Variants in FREM3 observed in about 807,000 individuals in gnomAD.
The protein encoded by FREM3 is FRAS1-related extracellular matrix protein 3.
In FREM3, 105 loss-of-function variants were observed where a neutral mutation model predicts 129.1. That is an observed-to-expected ratio of 0.81 (90% CI 0.69 to 0.96). The LOEUF is 0.96. Ranked by LOEUF, FREM3 falls within the 40% of genes least tolerant of loss-of-function variation. FREM3 has a pLI of 0.00. For synonymous variants in FREM3, 1,014 were observed against 1,044.9 expected, an observed-to-expected ratio of 0.97 and a Z score of 0.57; for missense variants, 2,593 against 2,666.3, an observed-to-expected ratio of 0.97 and a Z score of 0.61.
At chr4:143,635,692 G>T (rs1420063193) in intron 2 of FREM3, among the ~76,000 whole-genome samples, 3 of 152,182 alleles carry the variant, frequency 2.0e-5, no homozygotes, top group Non-Finnish European at 4.4e-5. Context: ...CTGTGTTTTA[G>T]AAGAATGATA....
At chr4:143,676,357 ACT>A (rs1282025287) in intron 2 of FREM3, among the ~76,000 whole-genome samples, 1 of 152,080 alleles carries the variant, frequency 6.6e-6, no homozygotes, top group Non-Finnish European at 1.5e-5. Context: ...CATGCTAAAA[ACT>A]CTCAGTAAAT....
Position 143,611,459 on chromosome 4 carries a change from TGTG to T in FREM3, c.5845_5847del (p.His1949del). On this transcript the variant is annotated inframe_deletion, in exon 6 of 8. Coordinates refer to ENST00000329798, the MANE Select transcript of FREM3 (RefSeq NM_001168235.2). ...TTCTTGTCAAAGTGGAGGATGCTGGTGTGGTCTTCTGGACGTGAGATGTAATCA... is the reference window on the plus strand; with the variant it reads ...TTCTTGTCAAAGTGGAGGATGCTGGTGTCTTCTGGACGTGAGATGTAATCA... 1 of 1,537,186 alleles carries T rather than the reference TGTG, an allele frequency of 6.5e-7. No individual in the cohort carries two copies. Among genetic ancestry groups the T allele is most frequent in the Non-Finnish European group, 8.7e-7 (1 of 1,146,844 alleles).
Position 143,676,788 on chromosome 4 carries a change from C to T in FREM3, c.5275+16325G>A, listed in dbSNP as rs551530013. ...GCCAAATCATGAGTGAACTCCTATT[C>T]ACAATTGCTTCAAAGAGAATAAAAT... On this transcript the variant is annotated intron_variant, in intron 2 of 7. Transcript: ENST00000329798. 1.2e-3 allele frequency among the ~76,000 whole-genome samples: 185 copies of T among 152,270 alleles called. 1 individual carries two copies. Among genetic ancestry groups the T allele is most frequent in the Admixed American group, 2.2e-3 (34 of 15,298 alleles).
chr4:143,678,898 A>T (rs1560869579), intron 2 of FREM3, among the ~76,000 whole-genome samples: 1 of 152,132 alleles, frequency 6.6e-6, no homozygotes. Context: ...ACATATTTTA[A>T]GTAGGTGCAA....
In FREM3 at chr4:143,586,052, C is replaced by A. The variant is rs1427195908; in HGVS notation, c.6029-59G>T. On this transcript the variant is annotated intron_variant, in intron 6 of 7. Coordinates refer to ENST00000329798, the MANE Select transcript of FREM3 (RefSeq NM_001168235.2). ...TTCAGCCTGCCTGGTATACTGTCTC[C>A]TTTGGCCCTGTGTGAGCCTGGGCAT... 8.7e-6 allele frequency: 13 copies of A among 1,501,798 alleles called. No homozygotes were observed. The African/African-American group carries it at 1.5e-4, about 18-fold the overall frequency. 93.0% of individuals were successfully genotyped at this position (1,501,798 alleles called of 1,614,324 possible).
intron 2 of FREM3, among the ~76,000 whole-genome samples, chr4:143,632,810 TA>T (rs72125581): frequency 0.1 from 15,042 of 149,934 alleles, 823 homozygotes; most frequent in Non-Finnish European, 0.12. Flanking sequence ...GTTGATGAGC[TA>T]AAAAAAAAAT....
intron 2 of FREM3, among the ~76,000 whole-genome samples, chr4:143,653,546 C>T (rs1739547845): frequency 6.6e-6 from 1 of 152,184 alleles, no homozygotes; most frequent in Non-Finnish European, 1.5e-5. Context: ...CAGGTATGCA[C>T]ATGTGTAAAC....
At position 143,695,729 on chromosome 4, in the gene FREM3, C is replaced by T. The variant is rs200261299; in HGVS notation, c.4947G>A (p.Arg1649=). 254 of 1,537,048 alleles carry T rather than the reference C, an allele frequency of 1.7e-4. No individual in the cohort carries two copies. The highest frequency in any genetic ancestry group is 1.9e-4 in the Non-Finnish European group (221 of 1,146,920). The change falls in exon 1 of 8, where the codon AGG becomes AGA. Residue 1649 remains arginine (R), a synonymous_variant. Transcript: ENST00000329798. ...TATTGTCTAATGATCTTATCTGGAC[C>T]CTCATTACTTGAGGTTTGTGTGTCG... ...ALATHKPQVM[R]VQIRSLDNRL... is the part of the protein sequence containing the mutation.
At chr4:143,584,332 C>T (rs1738200241) in intron 7 of FREM3, among the ~76,000 whole-genome samples, 1 of 150,754 alleles carries the variant, frequency 6.6e-6, no homozygotes, top group Admixed American at 6.6e-5. Flanking sequence ...TGGCGTGAAC[C>T]CGGGAAGCGG....
At chr4:143,611,703 T>C (rs991143590) in intron 5 of FREM3, among the ~76,000 whole-genome samples, 176 bp from the exon 6 acceptor site, 21 of 152,236 alleles carry the variant, frequency 1.4e-4, no homozygotes, top group Non-Finnish European at 1.8e-4. Context: ...GAATAGACTC[T>C]GGTATTTTGA....
At chr4:143,589,936 C>G (rs1030167618) in intron 6 of FREM3, among the ~76,000 whole-genome samples, 71 of 152,232 alleles carry the variant, frequency 4.7e-4, no homozygotes, top group African/African-American at 1.7e-3. Flanking sequence ...GTTTGTAGTT[C>G]TCCTTGAAGA....
intron 2 of FREM3, among the ~76,000 whole-genome samples, chr4:143,692,319 A>G (rs1411800723): frequency 6.6e-6 from 1 of 152,192 alleles, no homozygotes; most frequent in Non-Finnish European, 1.5e-5. Flanking sequence ...CCTCTCATAT[A>G]GGACTACTTT....
chr4:143,690,914 G>A (rs964776572), intron 2 of FREM3, among the ~76,000 whole-genome samples: 1 of 152,130 alleles, frequency 6.6e-6, no homozygotes, highest in Non-Finnish European at 1.5e-5. Flanking sequence ...TTGAGAGGTG[G>A]ATGTGGGAGG....
chr4:143,599,576 G>C (rs1424742353), intron 6 of FREM3, among the ~76,000 whole-genome samples: 7 of 152,158 alleles, frequency 4.6e-5, no homozygotes, highest in Admixed American at 3.9e-4. Context: ...AGGAGGTGTG[G>C]AGGTAGAAAC....
intron 7 of FREM3, among the ~76,000 whole-genome samples, chr4:143,584,965 C>A (rs955826429): frequency 6.6e-6 from 1 of 152,138 alleles, no homozygotes; most frequent in Non-Finnish European, 1.5e-5. Flanking sequence ...AAACCAATAC[C>A]ATGAAGATCA....
In FREM3 at chr4:143,585,818, A is replaced by T; in HGVS notation, c.6178+26T>A. On this transcript the variant is annotated intron_variant, in intron 7 of 7. Coordinates refer to ENST00000329798, the MANE Select transcript of FREM3 (RefSeq NM_001168235.2). This position sits in a 1 kb window ranked among gnomAD's most constrained non-coding sequence, Gnocchi z 4.2. ...ACCATAAACATGTATCATGATAATGATATATTCTTTAAGTGGCCCTCTCAC... is the reference window on the plus strand; with the variant it reads ...ACCATAAACATGTATCATGATAATGTTATATTCTTTAAGTGGCCCTCTCAC... 6.5e-7 allele frequency: 1 copy of T among 1,535,728 alleles called. No homozygotes were observed. Among genetic ancestry groups the T allele is most frequent in the Non-Finnish European group, 8.7e-7 (1 of 1,145,780 alleles).
At chr4:143,661,171 AG>A (rs1345396995) in intron 2 of FREM3, among the ~76,000 whole-genome samples, 1 of 152,180 alleles carries the variant, frequency 6.6e-6, no homozygotes, top group East Asian at 1.9e-4. Context: ...CAGTTTTCAA[AG>A]GGAATGCTTC....
intron 2 of FREM3, among the ~76,000 whole-genome samples, chr4:143,648,854 C>T (rs538169411): frequency 1.1e-4 from 16 of 152,322 alleles, no homozygotes; most frequent in African/African-American, 3.6e-4. Flanking sequence ...CCTCAAACTC[C>T]TGGGCTCAAG....
At position 143,695,835 on chromosome 4, in the gene FREM3, T is replaced by C. The variant is rs1740556029; in HGVS notation, c.4841A>G (p.Glu1614Gly). Reference sequence around the variant, plus strand: ...CAAGGAGAAACTATCTTCAGTGGTCTCACTGCCGTCATGCTTGTAGCTAAT... The same window carrying C: ...CAAGGAGAAACTATCTTCAGTGGTCCCACTGCCGTCATGCTTGTAGCTAAT... ...NLISYKHDGS[E>G]TTEDSFSLTV... The change falls in exon 1 of 8, where the codon GAG (glutamate) becomes GGG (glycine). Residue 1614 changes from glutamate to glycine, a missense_variant. By Grantham distance (98) the Glu-to-Gly change is moderately conservative (BLOSUM62 -2). This residue lies in a region of FREM3 where 2,276 missense variants were observed against 2,267.2 expected (regional missense o/e 1.00). Transcript: ENST00000329798. The C allele has an allele frequency of 6.5e-7, 1 of 1,537,378 alleles. No individual in the cohort carries two copies. Among genetic ancestry groups the C allele is most frequent in the African/African-American group, 1.4e-5 (1 of 73,174 alleles).
Sources: allele counts gnomAD v4.1 joint callset (sites outside exome capture counted in the v4.1 genomes callset), GRCh38; gene constraint gnomAD v4.1.1; regional missense constraint gnomAD v4.1.1; non-coding constraint Gnocchi (gnomAD v3.1); transcripts MANE v1.5; gene names NCBI Gene and HGNC (gene_info 2026-07-23, HGNC 2026-07-21).